SNAP91: variants seen among roughly 807,000 people sequenced by gnomAD.
SNAP91 encodes the protein synaptosome associated protein 91.
SNAP91 carries 27 observed loss-of-function variants against 100.3 expected under a neutral mutation model. The observed-to-expected ratio is 0.27, with a 90% CI of 0.20 to 0.37. SNAP91 has a LOEUF of 0.37. Ranked by LOEUF, SNAP91 falls within the 10% of genes least tolerant of loss-of-function variation. The pLI, the probability that SNAP91 is intolerant of heterozygous loss-of-function variation, is 1.00. For synonymous variants in SNAP91, 404 were observed against 398.6 expected (o/e 1.01, Z -0.16); for missense variants, 986 against 1,123.7 (o/e 0.88, Z 1.75).
intron 16 of SNAP91, among the ~76,000 whole-genome samples, chr6:83,598,212 A>T (rs796133109): frequency 6.6e-6 from 1 of 152,102 alleles, no homozygotes; most frequent in African/African-American, 2.4e-5. Flanking sequence ...AATATTTATA[A>T]ATTTTACTAA....
In SNAP91 at chr6:83,611,521, C is replaced by T. The variant is rs148374065; in HGVS notation, c.885-844G>A. ...ATTTCAATAAGCAGCCTATATTCAC[C>T]GCCTTACTGCATGGCAGGGATGACT... On this transcript the variant is annotated intron_variant, in intron 11 of 29. Coordinates refer to ENST00000369694, the MANE Select transcript of SNAP91 (RefSeq NM_001242792.2). 407 of 444,118 alleles carry T rather than the reference C, an allele frequency of 9.2e-4. 3 individuals carry two copies. The highest frequency in any genetic ancestry group is 6.5e-3 in the African/African-American group (321 of 49,488). 27.5% of individuals were successfully genotyped at this position (444,118 alleles called of 1,614,324 possible). A position where few individuals can be genotyped will look rare whatever the true frequency, so the allele number is the denominator to read the frequency against.
chr6:83,601,636 T>C, intron 14 of SNAP91, 37 bp from the exon 15 acceptor site: 1 of 1,607,606 alleles, frequency 6.2e-7, no homozygotes, highest in South Asian at 1.1e-5. Flanking sequence ...TAAGAATAAA[T>C]AAGAGCTAAA....
intron 24 of SNAP91, among the ~76,000 whole-genome samples, chr6:83,579,303 T>G (rs1426287937): frequency 1.3e-5 from 2 of 152,220 alleles, no homozygotes; most frequent in East Asian, 3.8e-4. Context: ...GCTGGAGGCA[T>G]AAGTCCTTTA....
intron 5 of SNAP91, among the ~76,000 whole-genome samples, chr6:83,659,932 G>T (rs887527862): frequency 1.9e-4 from 29 of 152,090 alleles, no homozygotes; most frequent in Non-Finnish European, 4.4e-5. Flanking sequence ...TGAGACTGAA[G>T]GTTAATGCTG....
At chr6:83,647,889 G>T (rs1168274168) in intron 7 of SNAP91, among the ~76,000 whole-genome samples, 1 of 152,142 alleles carries the variant, frequency 6.6e-6, no homozygotes, top group African/African-American at 2.4e-5. Flanking sequence ...TCAAGGGGCT[G>T]TATCTAATAA....
chr6:83,561,137 G>A (rs1786898461), intron 26 of SNAP91, among the ~76,000 whole-genome samples, 190 bp from the exon 27 acceptor site: 1 of 152,178 alleles, frequency 6.6e-6, no homozygotes, highest in Non-Finnish European at 1.5e-5. Context: ...CGAACTCCTG[G>A]ACTCAAGCAA....
intron 2 of SNAP91, among the ~76,000 whole-genome samples, chr6:83,691,524 T>A (rs907354679): frequency 6.6e-6 from 1 of 152,132 alleles, no homozygotes; most frequent in African/African-American, 2.4e-5. Flanking sequence ...CTAGATCAAC[T>A]CTTTTTCTAA....
chr6:83,592,566 T>G (rs376419762), intron 20 of SNAP91, 28 bp from the exon 21 acceptor site: 14 of 1,568,692 alleles, frequency 8.9e-6, no homozygotes, highest in Non-Finnish European at 1.2e-5. Context: ...CAGGAAAAAG[T>G]GCATGTCACC....
intron 9 of SNAP91, among the ~76,000 whole-genome samples, chr6:83,618,209 T>A (rs2096577976): frequency 6.6e-6 from 1 of 151,734 alleles, no homozygotes; most frequent in African/African-American, 2.4e-5. Flanking sequence ...ATATTTGTAA[T>A]TATGTGATTA....
chr6:83,702,695 C>G (rs1226796202), intron 2 of SNAP91, among the ~76,000 whole-genome samples: 1 of 150,906 alleles, frequency 6.6e-6, no homozygotes, highest in Non-Finnish European at 1.5e-5. Flanking sequence ...GCTAACCACA[C>G]CAACTGCAAA....
intron 17 of SNAP91, 36 bp from the exon 18 acceptor site, chr6:83,593,777 A>AGTAAG (rs1400536185): frequency 6.5e-7 from 1 of 1,527,792 alleles, no homozygotes; most frequent in Admixed American, 2.1e-5. Flanking sequence ...ACACAGCATC[A>AGTAAG]GTAAGGAAAG....
At chr6:83,560,278 T>G in intron 27 of SNAP91, 70 bp from the exon 28 acceptor site, 6 of 1,082,994 alleles carry the variant, frequency 5.5e-6, no homozygotes, top group Non-Finnish European at 6.9e-6. Flanking sequence ...CTGACATTTA[T>G]TGCTTTTATG....
intron 3 of SNAP91, among the ~76,000 whole-genome samples, chr6:83,663,667 T>A (rs1277897567): frequency 6.6e-6 from 1 of 152,050 alleles, no homozygotes; most frequent in African/African-American, 2.4e-5. Flanking sequence ...AAAGAAGCCA[T>A]CTCCACAATA....
chr6:83,605,993 T>C (rs1192664011), intron 13 of SNAP91, among the ~76,000 whole-genome samples, 190 bp from the exon 14 acceptor site: 1 of 152,242 alleles, frequency 6.6e-6, no homozygotes, highest in Non-Finnish European at 1.5e-5. Context: ...AAGGGCAAGA[T>C]GGTAAGTATT....
intron 8 of SNAP91, among the ~76,000 whole-genome samples, chr6:83,630,969 G>A (rs1160994197): frequency 2.6e-5 from 4 of 151,926 alleles, no homozygotes; most frequent in Non-Finnish European, 4.4e-5. Flanking sequence ...TTTTGATGTA[G>A]GCATTTAGGG....
chr6:83,661,450 T>C (rs1586249509), intron 5 of SNAP91, 52 bp downstream of exon 5: 5 of 1,086,646 alleles, frequency 4.6e-6, no homozygotes, highest in Non-Finnish European at 6.8e-6. Context: ...AAATCAAGTA[T>C]GCCTCAAAGA....
intron 2 of SNAP91, among the ~76,000 whole-genome samples, chr6:83,673,516 C>T (rs1260088351): frequency 6.6e-6 from 1 of 152,168 alleles, no homozygotes; most frequent in Admixed American, 6.6e-5. Flanking sequence ...GTAGCCCCTG[C>T]AAACTAATAT....
At chr6:83,690,328 TAA>T (rs1189495820) in intron 2 of SNAP91, 14 of 1,262,878 alleles carry the variant, frequency 1.1e-5, no homozygotes, top group Non-Finnish European at 1.3e-5. Flanking sequence ...CACAACTTTT[TAA>T]AAGACTTGTG....
chr6:83,576,227 A>C (rs1245874683), intron 24 of SNAP91, among the ~76,000 whole-genome samples, 174 bp from the exon 25 acceptor site: 1 of 152,206 alleles, frequency 6.6e-6, no homozygotes, highest in Non-Finnish European at 1.5e-5. Flanking sequence ...TCATAAATTA[A>C]AGATTTTCTT....
Sources: gnomAD v4.1 joint callset for allele counts (sites outside exome capture counted in the v4.1 genomes callset) on GRCh38, gnomAD v4.1.1 for gene constraint, MANE v1.5 for transcripts, NCBI Gene and HGNC (gene_info 2026-07-23, HGNC 2026-07-21) for gene names.